Variants in MED12L observed in about 807,000 individuals in gnomAD.
The protein encoded by MED12L is mediator complex subunit 12L, also known as mediator of RNA polymerase II transcription subunit 12-like protein.
Under a neutral mutation model 281.3 loss-of-function variants are expected in MED12L, and 60 were observed. The observed-to-expected ratio is 0.21, with a 90% CI of 0.17 to 0.26. The LOEUF is 0.26. Ranked by LOEUF, MED12L falls within the 10% of genes least tolerant of loss-of-function variation. The pLI is 1.00. For synonymous variants in MED12L, 974 were observed against 987.2 expected (o/e 0.99, Z 0.25); for missense variants, 2,146 against 2,680.9 (o/e 0.80, Z 4.41).
rs1188086727 is a variant in MED12L, at chr3:151,185,317, T to C, written c.1495-13T>C. 1 of 1,613,156 alleles carries C rather than the reference T, an allele frequency of 6.2e-7. No individual in the cohort carries two copies. Among genetic ancestry groups the C allele is most frequent in the African/African-American group, 1.3e-5 (1 of 75,008 alleles). ...ATTTGATGTGGCTGGTACCCCTCTC[T>C]GTTGGTCATTAGGTTGCGCCCAACG... On this transcript the variant is annotated splice_polypyrimidine_tract_variant and intron_variant, in intron 11 of 44. Coordinates refer to ENST00000687756, the MANE Select transcript of MED12L (RefSeq NM_001393769.1).
intron 39 of MED12L, among the ~76,000 whole-genome samples, chr3:151,407,562 A>G (rs370775248): frequency 2.0e-5 from 3 of 152,226 alleles, no homozygotes; most frequent in Admixed American, 6.5e-5. Context: ...TGGAGGATCA[A>G]GAGCCATTTG....
intron 39 of MED12L, among the ~76,000 whole-genome samples, chr3:151,396,645 A>C (rs1715016860): frequency 6.6e-6 from 1 of 152,180 alleles, no homozygotes; most frequent in Admixed American, 6.5e-5. Flanking sequence ...AAATAAAATA[A>C]TAAATAAAGT....
At chr3:151,320,621 C>T (rs1483886846) in intron 16 of MED12L, among the ~76,000 whole-genome samples, 1 of 152,100 alleles carries the variant, frequency 6.6e-6, no homozygotes, top group Admixed American at 6.5e-5. Flanking sequence ...GTCTGCTTTA[C>T]ACGAAACACC....
At chr3:151,139,524 A>G (rs1716627193) in intron 5 of MED12L, among the ~76,000 whole-genome samples, 1 of 152,196 alleles carries the variant, frequency 6.6e-6, no homozygotes, top group Non-Finnish European at 1.5e-5. Context: ...GATGCCTGGT[A>G]AGTGCATTTT....
At chr3:151,166,202 G>A (rs530353589) in intron 11 of MED12L, among the ~76,000 whole-genome samples, 3 of 152,106 alleles carry the variant, frequency 2.0e-5, no homozygotes, top group Non-Finnish European at 2.9e-5. Context: ...ATATATTGAC[G>A]GGCAAGATTT....
At chr3:151,389,623 T>C (rs1713920261) in intron 37 of MED12L, among the ~76,000 whole-genome samples, 1 of 152,216 alleles carries the variant, frequency 6.6e-6, no homozygotes, top group Non-Finnish European at 1.5e-5. Context: ...TGGAAAGGCC[T>C]TCTAAGATGA....
chr3:151,355,297 T>A (rs1298037990), intron 18 of MED12L, 58 bp downstream of exon 18: 1 of 1,205,158 alleles, frequency 8.3e-7, no homozygotes, highest in Non-Finnish European at 1.2e-6. Context: ...CTTAAAAATT[T>A]TTTTCATGCA....
At chr3:151,348,373 A>C in intron 16 of MED12L, among the ~76,000 whole-genome samples, 1 of 147,670 alleles carries the variant, frequency 6.8e-6, no homozygotes, top group East Asian at 2.0e-4. Context: ...AGAAAAAAGA[A>C]ATATATCAGT....
intron 33 of MED12L, among the ~76,000 whole-genome samples, chr3:151,383,565 T>G (rs766009594): frequency 1.3e-5 from 2 of 152,192 alleles, no homozygotes; most frequent in African/African-American, 2.4e-5. Flanking sequence ...CGTCCCTTCT[T>G]CATTTTAGTT....
intron 16 of MED12L, among the ~76,000 whole-genome samples, chr3:151,232,718 T>C (rs1358265497): frequency 2.0e-5 from 3 of 152,126 alleles, no homozygotes; most frequent in East Asian, 1.9e-4. Context: ...TTCTCACTTA[T>C]AAGTGGGAGC....
chr3:151,141,789 T>C (rs1717067621), intron 5 of MED12L, among the ~76,000 whole-genome samples: 1 of 152,230 alleles, frequency 6.6e-6, no homozygotes, highest in African/African-American at 2.4e-5. Flanking sequence ...GTATATTCGC[T>C]GCAGTCTTTA....
At chr3:151,397,793 C>T (rs952611104) in intron 39 of MED12L, among the ~76,000 whole-genome samples, 4 of 152,088 alleles carry the variant, frequency 2.6e-5, no homozygotes, top group Admixed American at 6.5e-5. Context: ...TTTTTGGCTT[C>T]TTGTAGAGAA....
At position 151,360,480 on chromosome 3, in the gene MED12L, T is replaced by C; in HGVS notation, c.2832T>C (p.Cys944=). The C allele has an allele frequency of 1.2e-6, 2 of 1,612,162 alleles. No homozygotes were observed. The highest frequency in any genetic ancestry group is 1.7e-6 in the Non-Finnish European group (2 of 1,178,856). The change falls in exon 21 of 45, where the codon TGT becomes TGC. Residue 944 remains cysteine (C), a synonymous_variant. Transcript: ENST00000687756. The part of the protein sequence containing the change: ...DQTAQVFEGL[C]GVVKHVVNPS... ...CGTATATTTTTCTCCTCAGGTTGTG[T>C]GGTGTGGTCAAGCATGTCGTAAACC...
intron 9 of MED12L, among the ~76,000 whole-genome samples, chr3:151,164,801 G>A (rs1488577143): frequency 2.6e-5 from 4 of 151,854 alleles, no homozygotes; most frequent in African/African-American, 9.7e-5. Flanking sequence ...GAATGGAACA[G>A]TGAGAACACA....
intron 16 of MED12L, chr3:151,212,805 GA>G (rs1292706420): frequency 6.6e-6 from 1 of 151,546 alleles, no homozygotes; most frequent in African/African-American, 2.4e-5. Context: ...TTCAAATCAG[GA>G]AAAAAACCTG....
rs1458759007 is a variant in MED12L, at chr3:151,433,664, T to G, written c.*860T>G. On this transcript the variant is annotated 3_prime_UTR_variant, in exon 45 of 45. Transcript: ENST00000687756. ...GGTTCTCCTGAACCTTATGCCACCTTAAGGGGAAAAAAAAATCCAGTAGCT... is the reference window on the plus strand; with the variant it reads ...GGTTCTCCTGAACCTTATGCCACCTGAAGGGGAAAAAAAAATCCAGTAGCT... 3 of 152,482 alleles carry G rather than the reference T, an allele frequency of 2.0e-5. No individual in the cohort carries two copies. Among genetic ancestry groups the G allele is most frequent in the Non-Finnish European group, 2.9e-5 (2 of 68,036 alleles). The allele number at this position is 152,482 out of a possible 1,614,324, so 9.4% of individuals were successfully genotyped here. A position where few individuals can be genotyped will look rare whatever the true frequency, so the allele number is the denominator to read the frequency against.
chr3:151,162,424 G>A (rs919006745), intron 8 of MED12L, among the ~76,000 whole-genome samples: 6 of 151,938 alleles, frequency 3.9e-5, no homozygotes, highest in African/African-American at 1.2e-4. Flanking sequence ...ATTGATTGAT[G>A]AATTGATTGA....
intron 16 of MED12L, chr3:151,269,816 T>C (rs1479024034): frequency 4.6e-6 from 2 of 430,652 alleles, no homozygotes; most frequent in East Asian, 6.4e-5. Context: ...AAGGATATAA[T>C]GAAAACGTTC....
chr3:151,141,377 A>G (rs1717007390), intron 5 of MED12L, among the ~76,000 whole-genome samples: 1 of 152,008 alleles, frequency 6.6e-6, no homozygotes, highest in Non-Finnish European at 1.5e-5. Context: ...TTTCACTTGA[A>G]TAAGGAGTGA....
Sources: gnomAD v4.1 joint callset for allele counts (sites outside exome capture counted in the v4.1 genomes callset) on GRCh38, gnomAD v4.1.1 for gene constraint, MANE v1.5 for transcripts, NCBI Gene and HGNC (gene_info 2026-07-23, HGNC 2026-07-21) for gene names.